The following EXOC4 variants were observed in gnomAD, a reference collection of about 807,000 sequenced individuals.
EXOC4 encodes the protein exocyst complex component 4.
Under a neutral mutation model 107.2 loss-of-function variants are expected in EXOC4, and 71 were observed. The ratio of observed to expected loss-of-function variants is 0.66; its 90% CI spans 0.55 to 0.81. EXOC4 has a LOEUF of 0.81. Ranked by LOEUF, EXOC4 falls within the 30% of genes least tolerant of loss-of-function variation. The pLI is 0.00. For missense variants in EXOC4, 1,108 were observed against 1,189.6 expected (o/e 0.93, Z 1.01); for synonymous variants, 456 against 441.2 (o/e 1.03, Z -0.42).
chr7:134,067,634 T>TACACACAC (rs375285410), downstream of EXOC4, among the ~76,000 whole-genome samples: 8,066 of 133,216 alleles, frequency 0.061, 322 homozygotes, highest in African/African-American at 0.1. Context: ...CTTATATATA[T>TACACACAC]ATATACACAC....
intron 9 of EXOC4, among the ~76,000 whole-genome samples, chr7:133,584,576 T>TTG (rs1563116640): frequency 1.5e-5 from 2 of 132,630 alleles, no homozygotes; most frequent in Non-Finnish European, 3.2e-5. Context: ...GTATTTCAGT[T>TTG]TTTTTTTTGT....
chr7:134,078,205 G>A, the EXOC4 span, among the ~76,000 whole-genome samples: 3 of 151,630 alleles, frequency 2.0e-5, no homozygotes, highest in Non-Finnish European at 4.4e-5. Context: ...TTGAACTCCT[G>A]TAGTATTAGT....
intron 7 of EXOC4, among the ~76,000 whole-genome samples, chr7:133,406,119 C>T (rs542520128): frequency 6.6e-6 from 1 of 152,258 alleles, no homozygotes; most frequent in South Asian, 2.1e-4. Context: ...CTCTTTTGTG[C>T]GTCTTATTGC....
intron 9 of EXOC4, among the ~76,000 whole-genome samples, chr7:133,518,208 G>A (rs1366766143): frequency 3.3e-5 from 5 of 151,878 alleles, no homozygotes; most frequent in South Asian, 4.1e-4. Flanking sequence ...GAAATCGGCC[G>A]TATTTTTTGA....
At chr7:133,552,489 G>A (rs1800609957) in intron 9 of EXOC4, among the ~76,000 whole-genome samples, 1 of 152,120 alleles carries the variant, frequency 6.6e-6, no homozygotes, top group Non-Finnish European at 1.5e-5. Context: ...GAGAAATTGA[G>A]CCATAATTAT....
Position 133,607,496 on chromosome 7 carries a change from C to G in EXOC4, c.1418-22549C>G, listed in dbSNP as rs1801976761. ...CGGCAGCATCAAAAGGACATTGTAC[C>G]TAAGCATTATCTGCATAACAATATT... On this transcript the variant is annotated intron_variant, in intron 9 of 17. Transcript: ENST00000253861. Among the ~76,000 whole-genome samples, 3 of 152,122 alleles carry G rather than the reference C, an allele frequency of 2.0e-5. No individual in the cohort carries two copies. The South Asian group carries it at 6.2e-4, about 32-fold the overall frequency.
At chr7:133,639,205 G>A (rs1013715397) in intron 10 of EXOC4, among the ~76,000 whole-genome samples, 4 of 152,084 alleles carry the variant, frequency 2.6e-5, no homozygotes, top group African/African-American at 2.4e-5. Flanking sequence ...GCTATGCATT[G>A]TTTCCTTGTA....
At chr7:133,713,068 C>A (rs1794927607) in intron 10 of EXOC4, among the ~76,000 whole-genome samples, 1 of 152,046 alleles carries the variant, frequency 6.6e-6, no homozygotes, top group African/African-American at 2.4e-5. Context: ...TACTAGGTGC[C>A]CCTGAACTGT....
At chr7:133,665,144 A>G (rs755236132) in intron 10 of EXOC4, among the ~76,000 whole-genome samples, 5 of 152,134 alleles carry the variant, frequency 3.3e-5, no homozygotes, top group Admixed American at 6.6e-5. Context: ...TTACTTGTAG[A>G]CACTTACACC....
chr7:133,961,635 A>T (rs1800948057), intron 14 of EXOC4, among the ~76,000 whole-genome samples: 1 of 152,160 alleles, frequency 6.6e-6, no homozygotes, highest in African/African-American at 2.4e-5. Context: ...TAATAAATGG[A>T]TGTTGTTTTA....
chr7:133,590,760 A>G (rs1801522088), intron 9 of EXOC4, among the ~76,000 whole-genome samples: 1 of 152,182 alleles, frequency 6.6e-6, no homozygotes, highest in Non-Finnish European at 1.5e-5. Flanking sequence ...TTTCGTCAGT[A>G]ATAAAATCCC....
intron 9 of EXOC4, among the ~76,000 whole-genome samples, chr7:133,523,101 A>G (rs1460675959): frequency 6.6e-6 from 1 of 152,174 alleles, no homozygotes; most frequent in Non-Finnish European, 1.5e-5. Context: ...AATCTAGCTA[A>G]TGGGTCTGAT....
chr7:133,913,227 G>A (rs752204550), intron 12 of EXOC4, among the ~76,000 whole-genome samples: 1 of 152,196 alleles, frequency 6.6e-6, no homozygotes, highest in South Asian at 2.1e-4. Context: ...AGGAGAAAAG[G>A]AATAGCAGGA....
chr7:133,763,869 G>A (rs1223774524), intron 10 of EXOC4, among the ~76,000 whole-genome samples: 1 of 151,972 alleles, frequency 6.6e-6, no homozygotes, highest in Non-Finnish European at 1.5e-5. Flanking sequence ...GGACATTTCT[G>A]CTTTTAGTGG....
chr7:133,842,895 G>C (rs759756128), intron 11 of EXOC4, among the ~76,000 whole-genome samples: 22 of 152,130 alleles, frequency 1.4e-4, no homozygotes, highest in Middle Eastern at 3.2e-3. Context: ...ATCGAATAGG[G>C]AGTCCATTCA....
At chr7:133,334,656 G>T (rs1037534111) in intron 5 of EXOC4, among the ~76,000 whole-genome samples, 7 of 152,032 alleles carry the variant, frequency 4.6e-5, no homozygotes, top group African/African-American at 1.7e-4. Flanking sequence ...TCATCACTCA[G>T]GTATTGAGCC....
intron 10 of EXOC4, among the ~76,000 whole-genome samples, chr7:133,738,872 G>T (rs1795502703): frequency 6.6e-6 from 1 of 152,130 alleles, no homozygotes; most frequent in Non-Finnish European, 1.5e-5. Context: ...CACCTGAAAT[G>T]AATATGCTCT....
At chr7:133,622,672 G>A (rs1051784938) in intron 9 of EXOC4, among the ~76,000 whole-genome samples, 5 of 151,984 alleles carry the variant, frequency 3.3e-5, no homozygotes, top group Admixed American at 2.0e-4. Context: ...TACATTTATA[G>A]TGAGGCTTTT....
intron 11 of EXOC4, among the ~76,000 whole-genome samples, chr7:133,824,750 A>G (rs186222217): frequency 2.6e-5 from 4 of 152,210 alleles, no homozygotes; most frequent in Admixed American, 1.3e-4. Context: ...TGGCTCTGGC[A>G]GCGTAACTGC....
Sources: gnomAD v4.1 joint callset for allele counts (sites outside exome capture counted in the v4.1 genomes callset) on GRCh38, gnomAD v4.1.1 for gene constraint, MANE v1.5 for transcripts, NCBI Gene and HGNC (gene_info 2026-07-23, HGNC 2026-07-21) for gene names.